The following RC3H1 variants were observed in gnomAD, a reference collection of about 807,000 sequenced individuals.
RC3H1 encodes the protein ring finger and CCCH-type domains 1.
A neutral mutation model predicts 138.2 loss-of-function variants in RC3H1; 50 were observed. That is an observed-to-expected ratio of 0.36 (90% CI 0.29 to 0.46). The LOEUF (loss-of-function observed/expected upper bound fraction) is 0.46, where lower values mean the gene tolerates loss of function less well. Ranked by LOEUF, RC3H1 falls within the 20% of genes least tolerant of loss-of-function variation. The pLI is 1.00. For synonymous variants in RC3H1, 462 were observed against 489.1 expected (o/e 0.94, Z 0.73); for missense variants, 1,031 against 1,388.1 (o/e 0.74, Z 4.09).
chr1:174,019,182 C>T (rs1391466653), intron 1 of RC3H1, among the ~76,000 whole-genome samples: 2 of 152,120 alleles, frequency 1.3e-5, no homozygotes, highest in African/African-American at 2.4e-5. Context: ...TATTTTATAG[C>T]ATTCAGATAT....
intron 1 of RC3H1, among the ~76,000 whole-genome samples, chr1:174,007,376 C>A (rs937628560): frequency 2.7e-5 from 4 of 150,264 alleles, no homozygotes; most frequent in Admixed American, 1.3e-4. Flanking sequence ...GGCGACAGAG[C>A]GAGACTCCAT....
intron 13 of RC3H1, among the ~76,000 whole-genome samples, chr1:173,959,094 C>T (rs1004019110): frequency 1.3e-5 from 2 of 152,180 alleles, no homozygotes; most frequent in South Asian, 4.1e-4. Context: ...ATCATCACTT[C>T]TATTCAGTAT....
chr1:173,962,300 T>C (rs1320297584), intron 11 of RC3H1, among the ~76,000 whole-genome samples: 1 of 152,218 alleles, frequency 6.6e-6, no homozygotes. Context: ...AAAACTACCC[T>C]ACTTATAATC....
chr1:173,985,649 T>C (rs1369669443), intron 2 of RC3H1, among the ~76,000 whole-genome samples: 3 of 152,080 alleles, frequency 2.0e-5, no homozygotes, highest in Admixed American at 1.3e-4. Context: ...TTAAATAAAA[T>C]CTACTCTTTT....
intron 1 of RC3H1, among the ~76,000 whole-genome samples, chr1:174,001,946 A>G (rs1161655631): frequency 2.0e-5 from 3 of 152,224 alleles, no homozygotes; most frequent in Non-Finnish European, 2.9e-5. Flanking sequence ...TATTTTTAGT[A>G]TACATTGAGC....
intron 1 of RC3H1, among the ~76,000 whole-genome samples, chr1:173,995,243 T>C (rs1187292822): frequency 3.3e-5 from 5 of 151,960 alleles, no homozygotes; most frequent in South Asian, 2.1e-4. Context: ...TAGAATATAG[T>C]AGAGATGAGG....
At position 173,961,999 on chromosome 1, in the gene RC3H1, G is replaced by A. The variant is rs150697445; in HGVS notation, c.1928C>T (p.Pro643Leu). The A allele has an allele frequency of 5.8e-5, 94 of 1,614,080 alleles. No homozygotes were observed. The highest frequency in any genetic ancestry group is 8.0e-5 in the African/African-American group (6 of 75,028). ...EPAPPYLDHYPPYLQERVVNS... is the reference protein window; with the variant it reads ...EPAPPYLDHYLPYLQERVVNS... ...TACAACACGTTCTTGGAGGTAGGGT[G>A]GATAATGATCCAAGTAGGGAGGAGC... The change falls in exon 12 of 20, where the codon CCA (proline) becomes CTA (leucine). Residue 643 changes from proline to leucine, a missense_variant. Pro to Leu is a moderately conservative substitution (Grantham distance 98). Coordinates refer to ENST00000367696, the MANE Select transcript of RC3H1 (RefSeq NM_172071.4).
chr1:173,992,669 A>AACAC (rs34709821), intron 2 of RC3H1, 86 bp downstream of exon 2: 15,209 of 652,882 alleles, frequency 0.023, 464 homozygotes, highest in African/African-American at 0.13. Flanking sequence ...AAACACGCAC[A>AACAC]ACACACACAC....
At chr1:174,020,625 A>AAATTTAATTT (rs1661939957) in intron 1 of RC3H1, among the ~76,000 whole-genome samples, 1 of 152,238 alleles carries the variant, frequency 6.6e-6, no homozygotes, top group Non-Finnish European at 1.5e-5. Flanking sequence ...CGATTTTAAT[A>AAATTTAATTT]TAAATTTCTG....
chr1:173,993,778 G>C (rs925023370), intron 1 of RC3H1, among the ~76,000 whole-genome samples: 2 of 151,352 alleles, frequency 1.3e-5, no homozygotes, highest in Non-Finnish European at 2.9e-5. Context: ...CCAGCAATTT[G>C]GGAGGCCAAG....
intron 7 of RC3H1, among the ~76,000 whole-genome samples, chr1:173,973,485 G>A (rs1444750441): frequency 4.7e-5 from 7 of 148,906 alleles, no homozygotes; most frequent in Non-Finnish European, 8.9e-5. Context: ...GCAGTGAGCC[G>A]AGATTGCACC....
intron 13 of RC3H1, among the ~76,000 whole-genome samples, chr1:173,955,990 G>A (rs1659627907): frequency 3.9e-5 from 6 of 151,906 alleles, no homozygotes; most frequent in Admixed American, 3.9e-4. Flanking sequence ...AATTAGCCTG[G>A]CATGGTGGTG....
Position 173,943,615 on chromosome 1 carries a change from C to T in RC3H1, c.2962G>A (p.Ala988Thr). 6.2e-7 allele frequency: 1 copy of T among 1,610,398 alleles called. No homozygotes were observed. Among genetic ancestry groups the T allele is most frequent in the Non-Finnish European group, 8.5e-7 (1 of 1,178,410 alleles). Residue 988 changes from alanine (A) to threonine (T), a missense_variant and splice_region_variant, in exon 18 of 20, where the codon GCT becomes ACT. Transcript: ENST00000367696. ...TGCAACACCAGCCTGTTACTAACAG[C>T]CTAGTGCATAAAGCCAAGCACACAG... ...SQQTQLRGLE[A>T]VSNRLVLQRE...
chr1:173,989,969 A>G (rs992021325), intron 2 of RC3H1, among the ~76,000 whole-genome samples: 1 of 146,282 alleles, frequency 6.8e-6, no homozygotes, highest in South Asian at 2.2e-4. Context: ...CTCGTGATCC[A>G]CCCGCCTCGG....
At chr1:173,975,055 T>C (rs2102983826) in intron 7 of RC3H1, among the ~76,000 whole-genome samples, 1 of 152,288 alleles carries the variant, frequency 6.6e-6, no homozygotes, top group East Asian at 1.9e-4. Flanking sequence ...TAGATTCAGT[T>C]TGAAATGCTT....
At chr1:173,985,573 G>A (rs1423817992) in intron 2 of RC3H1, among the ~76,000 whole-genome samples, 1 of 147,876 alleles carries the variant, frequency 6.8e-6, no homozygotes, top group Non-Finnish European at 1.5e-5. Context: ...GGTACAATGT[G>A]ACGATGTGAG....
In RC3H1 at chr1:173,947,421, T is replaced by G; in HGVS notation, c.2685A>C (p.Pro895=). The G allele has an allele frequency of 6.2e-7, 1 of 1,614,120 alleles. No individual in the cohort carries two copies. Among genetic ancestry groups the G allele is most frequent in the Non-Finnish European group, 8.5e-7 (1 of 1,180,010 alleles). The change falls in exon 15 of 20, where the codon CCA becomes CCC. Residue 895 remains proline (P), a synonymous_variant. Coordinates refer to ENST00000367696, the MANE Select transcript of RC3H1 (RefSeq NM_172071.4). Reference sequence around the variant, plus strand: ...CTCCCTGAGGTGCCATAGCCTGCATTGGACCAGCACCCTGATATATAGTTT... The same window carrying G: ...CTCCCTGAGGTGCCATAGCCTGCATGGGACCAGCACCCTGATATATAGTTT... ...TSKTIYQGAG[P]MQAMAPQGAP... is the part of the protein sequence containing the mutation.
At position 173,964,808 on chromosome 1, in the gene RC3H1, T is replaced by C. The variant is rs200692770; in HGVS notation, c.1616+31A>G. ...TTCCTTCGACTTTATGAAGAAGAAA[T>C]TTTGAAATAAGAGTTAGAAAAATGA... On this transcript the variant is annotated intron_variant, in intron 10 of 19. Transcript: ENST00000367696. 3.1e-4 allele frequency: 484 copies of C among 1,563,228 alleles called. 7 individuals carry two copies. In the East Asian group the frequency reaches 0.011, roughly 35 times the overall value.
At chr1:173,955,200 C>T (rs1216297976) in intron 13 of RC3H1, among the ~76,000 whole-genome samples, 5 of 130,486 alleles carry the variant, frequency 3.8e-5, no homozygotes, top group African/African-American at 1.5e-4. Flanking sequence ...CACTCCAGCC[C>T]AGACGACAGT....
Sources: allele counts gnomAD v4.1 joint callset (sites outside exome capture counted in the v4.1 genomes callset), GRCh38; gene constraint gnomAD v4.1.1; transcripts MANE v1.5; gene names NCBI Gene and HGNC (gene_info 2026-07-23, HGNC 2026-07-21).